Variants in FBXO31 observed in about 807,000 individuals in gnomAD.
FBXO31 encodes the protein F-box protein 31, also known as F-box only protein 31.
Under a neutral mutation model 54.4 loss-of-function variants are expected in FBXO31, and 24 were observed. The ratio of observed to expected loss-of-function variants is 0.44; its 90% CI spans 0.32 to 0.62. FBXO31 has a LOEUF of 0.62. FBXO31 is among the 20% of genes least tolerant of loss of function. FBXO31 has a pLI of 0.05. For synonymous variants in FBXO31, 388 were observed against 335.6 expected (o/e 1.16, Z -1.71); for missense variants, 665 against 787.1 (o/e 0.84, Z 1.86).
At chr16:87,341,232 T>C (rs760268372) in intron 5 of FBXO31, among the ~76,000 whole-genome samples, 5 of 152,200 alleles carry the variant, frequency 3.3e-5, no homozygotes, top group African/African-American at 9.7e-5. Context: ...CACACAGAAG[T>C]AGGCTTACAG....
At chr16:87,360,924 C>T (rs765038427) in intron 1 of FBXO31, among the ~76,000 whole-genome samples, 5 of 152,176 alleles carry the variant, frequency 3.3e-5, no homozygotes, top group African/African-American at 4.8e-5. Flanking sequence ...GGACACCTCC[C>T]GCAACCCCTG....
At chr16:87,392,097 G>T (rs1005459637), upstream of FBXO31, 5 of 255,176 alleles carry the variant, frequency 2.0e-5, no homozygotes, top group East Asian at 3.8e-4. Flanking sequence ...GGGGCCTCAG[G>T]CGCCCAGCGG....
rs1307146342 is a variant in FBXO31, at chr16:87,336,644, C to A, written c.733-380G>T. 6.6e-6 allele frequency among the ~76,000 whole-genome samples: 1 copy of A among 152,146 alleles called. No individual in the cohort carries two copies. Among genetic ancestry groups the A allele is most frequent in the Admixed American group, 6.5e-5 (1 of 15,282 alleles). On this transcript the variant is annotated intron_variant, in intron 5 of 8. Transcript: ENST00000311635. The surrounding 1 kb of genome is among the most constrained non-coding windows in gnomAD (Gnocchi z 6.5). Reference sequence around the variant, plus strand: ...ACACAGACTCTGGCCCTGCACAGCACAGCCCCTCAGCCTGCTTCTCTGGCT... The same window carrying A: ...ACACAGACTCTGGCCCTGCACAGCAAAGCCCCTCAGCCTGCTTCTCTGGCT...
intron 1 of FBXO31, chr16:87,367,782 G>C (rs1029515071): frequency 6.6e-6 from 1 of 152,180 alleles, no homozygotes; most frequent in Non-Finnish European, 1.5e-5. Context: ...GTGGACACCG[G>C]AAAACGCATC....
At chr16:87,375,985 A>T (rs774779676) in intron 1 of FBXO31, among the ~76,000 whole-genome samples, 2 of 152,172 alleles carry the variant, frequency 1.3e-5, no homozygotes, top group Non-Finnish European at 2.9e-5. Context: ...AAAATAACCA[A>T]CTTACTATTG....
intron 1 of FBXO31, among the ~76,000 whole-genome samples, chr16:87,375,626 C>T (rs1227913486): frequency 6.6e-6 from 1 of 152,200 alleles, no homozygotes; most frequent in African/African-American, 2.4e-5. Flanking sequence ...CCAGCTCCTG[C>T]CCCAGCACCC....
intron 4 of FBXO31, among the ~76,000 whole-genome samples, chr16:87,343,209 G>C (rs1905247217): frequency 6.6e-6 from 1 of 152,262 alleles, no homozygotes; most frequent in South Asian, 2.1e-4. Context: ...AGCAGCAAAA[G>C]GGCTGCATCT....
At chr16:87,353,711 G>A (rs1321798857) in intron 2 of FBXO31, among the ~76,000 whole-genome samples, 1 of 151,572 alleles carries the variant, frequency 6.6e-6, no homozygotes, top group Middle Eastern at 3.2e-3. Context: ...AGACCCTTCG[G>A]CGGGAGCAGG....
rs1277912518 is a variant in FBXO31, at chr16:87,358,290, G to C, written c.412+2005C>G. 2 of 152,544 alleles carry C rather than the reference G, an allele frequency of 1.3e-5. No individual in the cohort carries two copies. The highest frequency in any genetic ancestry group is 4.8e-5 in the African/African-American group (2 of 41,442). 9.4% of individuals were successfully genotyped at this position (152,544 alleles called of 1,614,324 possible). A position where few individuals can be genotyped will look rare whatever the true frequency, so the allele number is the denominator to read the frequency against. ...AGTGAACGTGAAAGGATGACAAAAA[G>C]CCACGAGGTCCGCTTGCTCCAGGAC... is the stretch of plus-strand genomic sequence containing the variant. On this transcript the variant is annotated intron_variant, in intron 2 of 8. Transcript: ENST00000311635. The surrounding 1 kb of genome is among the most constrained non-coding windows in gnomAD (Gnocchi z 4.0).
intron 2 of FBXO31, among the ~76,000 whole-genome samples, chr16:87,359,166 C>T (rs1402872439): frequency 6.6e-6 from 1 of 152,242 alleles, no homozygotes; most frequent in Non-Finnish European, 1.5e-5. Context: ...CTGTCGGAAA[C>T]AGATCATGTG....
intron 1 of FBXO31, among the ~76,000 whole-genome samples, chr16:87,379,192 G>A (rs1207844050): frequency 1.3e-5 from 2 of 152,054 alleles, no homozygotes; most frequent in African/African-American, 2.4e-5. Context: ...TGGCATGCAT[G>A]ATCTTGGCTC....
chr16:87,340,755 G>C (rs1005873825), intron 5 of FBXO31, among the ~76,000 whole-genome samples: 3 of 152,188 alleles, frequency 2.0e-5, no homozygotes, highest in African/African-American at 7.2e-5. Flanking sequence ...CCAGGAGTTT[G>C]AGACCTGCCT....
Position 87,357,600 on chromosome 16 carries a change from T to A in FBXO31, c.412+2695A>T, listed in dbSNP as rs368509686. On this transcript the variant is annotated intron_variant, in intron 2 of 8. Transcript: ENST00000311635. The stretch of plus-strand genomic sequence containing the variant: ...GCCTCGGCCTCCCAAAGCACTGGGA[T>A]TACAGGCATTAGCCACCATGTCTGG... Among the ~76,000 whole-genome samples the A allele has an allele frequency of 1.1e-4, 16 of 151,942 alleles. 1 individual carries two copies. Among genetic ancestry groups the A allele is most frequent in the Admixed American group, 8.5e-4 (13 of 15,250 alleles).
upstream of FBXO31, among the ~76,000 whole-genome samples, chr16:87,386,458 A>G (rs1002030081): frequency 6.6e-6 from 1 of 152,184 alleles, no homozygotes; most frequent in African/African-American, 2.4e-5. Context: ...TTAGAGACGG[A>G]GTCTCACTCT....
rs534059001 is a variant in FBXO31, at chr16:87,335,330, G to A, written c.970C>T (p.Arg324Trp). Residue 324 changes from arginine (R) to tryptophan (W), a missense_variant, in exon 7 of 9, where the codon CGG (arginine) becomes TGG (tryptophan). Arg to Trp is a moderately radical substitution (Grantham distance 101, BLOSUM62 -3). This residue lies in a region of FBXO31 where 234 missense variants were observed against 346.8 expected (regional missense o/e 0.67). Transcript: ENST00000311635. The surrounding 1 kb of genome is among the most constrained non-coding windows in gnomAD (Gnocchi z 5.7). ...LEIVMLSFHG[R>W]RARGTKITGD... ...GTGATCTTGGTGCCCCTGGCACGCC[G>A]GCCGTGGAAGCTGAGCATCACAATC... The A allele has an allele frequency of 3.0e-5, 49 of 1,613,896 alleles. No individual in the cohort carries two copies. The Admixed American group carries it at 6.0e-4, about 20-fold the overall frequency.
rs1436913339 is a variant in FBXO31 at position 87,383,439 on chromosome 16, G to A, written c.306C>T (p.His102=). 2 of 1,585,340 alleles carry A rather than the reference G, an allele frequency of 1.3e-6. No individual in the cohort carries two copies. Among genetic ancestry groups the A allele is most frequent in the East Asian group, 4.7e-5 (2 of 42,362 alleles). Residue 102 remains histidine (H), a synonymous_variant, in exon 1 of 9, where the codon CAC becomes CAT. Coordinates refer to ENST00000311635, the MANE Select transcript of FBXO31 (RefSeq NM_024735.5). The surrounding 1 kb of genome is among the most constrained non-coding windows in gnomAD (Gnocchi z 4.9). ...QVCTKFRRIL[H]TDTIWRRRCR... Reference sequence around the variant, plus strand: ...AACGCCTCCTCCAGATGGTGTCGGTGTGGAGGATGCGCCGGAACTTCGTGC... The same window carrying A: ...AACGCCTCCTCCAGATGGTGTCGGTATGGAGGATGCGCCGGAACTTCGTGC...
At chr16:87,383,847 C>T (rs1907212825), upstream of FBXO31, 1 of 842,920 alleles carries the variant, frequency 1.2e-6, no homozygotes, top group Non-Finnish European at 1.5e-6. This position sits in a 1 kb window ranked among gnomAD's most constrained non-coding sequence, Gnocchi z 4.9. Flanking sequence ...CGCCACGCCC[C>T]CTGGAGAGCC....
chr16:87,332,723 A>C (rs1597356534), intron 8 of FBXO31, among the ~76,000 whole-genome samples: 5 of 23,340 alleles, frequency 2.1e-4, no homozygotes, highest in Admixed American at 5.3e-4. Context: ...CCTTCCCCCC[A>C]CCCAGACATC....
chr16:87,388,233 T>A (rs1907393754), upstream of FBXO31, among the ~76,000 whole-genome samples: 3 of 152,218 alleles, frequency 2.0e-5, no homozygotes, highest in South Asian at 2.1e-4. Flanking sequence ...CAGACTTCCC[T>A]GGGGAGGAAG....
Sources: allele counts gnomAD v4.1 joint callset (sites outside exome capture counted in the v4.1 genomes callset), GRCh38; gene constraint gnomAD v4.1.1; regional missense constraint gnomAD v4.1.1; non-coding constraint Gnocchi (gnomAD v3.1); transcripts MANE v1.5; gene names NCBI Gene and HGNC (gene_info 2026-07-23, HGNC 2026-07-21).